Variants in RNF157 observed in about 807,000 individuals in gnomAD.
RNF157 encodes the protein ring finger protein 157.
In RNF157, 55 loss-of-function variants were observed where a neutral mutation model predicts 88.3. That is an observed-to-expected ratio of 0.62 (90% CI 0.50 to 0.78). The LOEUF (loss-of-function observed/expected upper bound fraction) is 0.78, where lower values mean the gene tolerates loss of function less well. Ranked by LOEUF, RNF157 falls within the 30% of genes least tolerant of loss-of-function variation. The pLI, the probability that RNF157 is intolerant of heterozygous loss-of-function variation, is 0.00. For synonymous variants in RNF157, 334 were observed against 341.2 expected, an observed-to-expected ratio of 0.98 and a Z score of 0.23; for missense variants, 788 against 860.8, an observed-to-expected ratio of 0.92 and a Z score of 1.06.
intron 2 of RNF157, among the ~76,000 whole-genome samples, chr17:76,179,606 T>C (rs1054820168): frequency 6.6e-6 from 1 of 151,988 alleles, no homozygotes; most frequent in Admixed American, 6.6e-5. Flanking sequence ...GGCAGAAGAA[T>C]TGTTTGAACC....
At chr17:76,156,119 C>G in intron 14 of RNF157, 91 bp downstream of exon 14, 1 of 984,138 alleles carries the variant, frequency 1.0e-6, no homozygotes, top group Non-Finnish European at 1.6e-6. Flanking sequence ...ATTAGCTTGC[C>G]ACTCCCATGT....
At chr17:76,173,838 A>C (rs1273886970) in intron 2 of RNF157, 48 bp from the exon 3 acceptor site, 2 of 1,482,168 alleles carry the variant, frequency 1.3e-6, no homozygotes, top group Non-Finnish European at 1.9e-6. Flanking sequence ...AAAAAGACCC[A>C]CAGCTGTCCC....
At chr17:76,175,848 A>G (rs1327857094) in intron 2 of RNF157, 4 of 927,316 alleles carry the variant, frequency 4.3e-6, no homozygotes, top group Non-Finnish European at 5.1e-6. Flanking sequence ...AAAGAAAGAA[A>G]AAAAAATCCT....
intron 17 of RNF157, 90 bp downstream of exon 17, chr17:76,154,193 C>G: frequency 1.1e-6 from 1 of 936,132 alleles, no homozygotes; most frequent in Non-Finnish European, 1.8e-6. Flanking sequence ...AGCGCCACCA[C>G]GTCATACCGG....
intron 17 of RNF157, 188 bp from the exon 18 acceptor site, chr17:76,152,653 G>C: frequency 1.8e-6 from 1 of 541,670 alleles, no homozygotes; most frequent in East Asian, 3.3e-5. Flanking sequence ...CTGTGTTCTC[G>C]CGCTTTCCTG....
Position 76,146,639 on chromosome 17 carries a change from G to C in RNF157, c.1922-1286C>G. 3.0e-6 allele frequency: 3 copies of C among 985,460 alleles called. No individual in the cohort carries two copies. The highest frequency in any genetic ancestry group is 3.6e-6 in the Non-Finnish European group (3 of 829,940). The allele number at this position is 985,460 out of a possible 1,614,324, so 61.0% of individuals were successfully genotyped here. ...CGGGGGAGGCCCAGTGTGCTCCTAA[G>C]TGCTCCCTGCAGCCTGAACTACTGC... On this transcript the variant is annotated intron_variant, in intron 18 of 18. Transcript: ENST00000269391. This position sits in a 1 kb window ranked among gnomAD's most constrained non-coding sequence, Gnocchi z 4.2.
rs1345167472 is a variant in RNF157, at chr17:76,142,524, A to T, written c.*2711T>A. 1 of 152,270 alleles carries T rather than the reference A, an allele frequency of 6.6e-6. No individual in the cohort carries two copies. Among genetic ancestry groups the T allele is most frequent in the Non-Finnish European group, 1.5e-5 (1 of 68,056 alleles). The allele number at this position is 152,270 out of a possible 1,614,324, so 9.4% of individuals were successfully genotyped here. ...TTTTAAGAATCATGCAGCAATCCAT[A>T]AATATTGCATTCTTGATGTCCCCAC... On this transcript the variant is annotated 3_prime_UTR_variant, in exon 19 of 19. Transcript: ENST00000269391.
intron 1 of RNF157, chr17:76,225,805 C>G: frequency 1.3e-6 from 2 of 1,575,902 alleles, no homozygotes; most frequent in African/African-American, 2.7e-5. Flanking sequence ...TCAAATCTTT[C>G]AGGTACTGGA....
rs1598379249 is a variant in RNF157 at position 76,146,540 on chromosome 17, A to T, written c.1922-1187T>A. 3 of 985,384 alleles carry T rather than the reference A, an allele frequency of 3.0e-6. 1 individual carries two copies. The Admixed American group carries it at 1.8e-4, about 61-fold the overall frequency. The allele number at this position is 985,384 out of a possible 1,614,324, so 61.0% of individuals were successfully genotyped here. On this transcript the variant is annotated intron_variant, in intron 18 of 18. Coordinates refer to ENST00000269391, the MANE Select transcript of RNF157 (RefSeq NM_052916.3). The surrounding 1 kb of genome is among the most constrained non-coding windows in gnomAD (Gnocchi z 4.2). The stretch of plus-strand genomic sequence containing the variant: ...CCTGGCTCCCTGGGGTAGGGAAGGC[A>T]TGTCGTCCTCCGGACCCTGTGGGCC...
intron 2 of RNF157, among the ~76,000 whole-genome samples, chr17:76,188,200 C>CT (rs1456930819): frequency 2.0e-5 from 3 of 152,214 alleles, no homozygotes; most frequent in Non-Finnish European, 4.4e-5. Context: ...CACCCATACT[C>CT]TATCATGCTC....
intron 1 of RNF157, among the ~76,000 whole-genome samples, chr17:76,221,187 G>A (rs2069976818): frequency 6.6e-6 from 1 of 152,010 alleles, no homozygotes; most frequent in Non-Finnish European, 1.5e-5. Context: ...AAACAAAGAA[G>A]GAATGATAGG....
chr17:76,154,430 G>A (rs778346025), intron 16 of RNF157, 102 bp from the exon 17 acceptor site: 42 of 799,686 alleles, frequency 5.3e-5, no homozygotes, highest in Non-Finnish European at 8.5e-5. Context: ...TAACTCCAGG[G>A]CCTACGTTAA....
At chr17:76,188,003 C>T (rs1298809549) in intron 2 of RNF157, among the ~76,000 whole-genome samples, 8 of 152,176 alleles carry the variant, frequency 5.3e-5, no homozygotes, top group African/African-American at 1.9e-4. Flanking sequence ...TTCCGTTTTG[C>T]ATTGCTAAGC....
chr17:76,179,870 T>C (rs1426461995), intron 2 of RNF157, among the ~76,000 whole-genome samples: 1 of 152,188 alleles, frequency 6.6e-6, no homozygotes, highest in Non-Finnish European at 1.5e-5. Flanking sequence ...CCACTGTACT[T>C]AGCATTAGCA....
intron 2 of RNF157, among the ~76,000 whole-genome samples, chr17:76,193,555 C>T (rs112912026): frequency 1.3e-5 from 2 of 151,892 alleles, no homozygotes; most frequent in East Asian, 1.9e-4. Context: ...CCCCCACCCA[C>T]GGACACATAC....
At chr17:76,186,682 G>A (rs1217891095) in intron 2 of RNF157, among the ~76,000 whole-genome samples, 1 of 152,034 alleles carries the variant, frequency 6.6e-6, no homozygotes, top group Non-Finnish European at 1.5e-5. Context: ...GCTCACGCCT[G>A]TAATCCCAGC....
At chr17:76,202,299 A>G (rs902609862) in intron 2 of RNF157, among the ~76,000 whole-genome samples, 13 of 152,304 alleles carry the variant, frequency 8.5e-5, no homozygotes, top group African/African-American at 2.9e-4. Context: ...ATCTCCAAAC[A>G]TAACACGTGC....
In RNF157 at chr17:76,155,592, A is replaced by G; in HGVS notation, c.1668T>C (p.Pro556=). 1 of 1,612,746 alleles carries G rather than the reference A, an allele frequency of 6.2e-7. No homozygotes were observed. ...CTTCTTCTGAGGGGGCCCTGCTGGC[A>G]GGCTGGGGGGAAGAGAGAGCCTCTC... The part of the protein sequence containing the change: ...EEGEALSSPQ[P]ASRAPSEEGE... The change falls in exon 15 of 19, where the codon CCT becomes CCC. Residue 556 remains proline (P), a synonymous_variant. Coordinates refer to ENST00000269391, the MANE Select transcript of RNF157 (RefSeq NM_052916.3).
At chr17:76,155,844 G>A in intron 14 of RNF157, 110 bp from the exon 15 acceptor site, 1 of 942,154 alleles carries the variant, frequency 1.1e-6, no homozygotes, top group Non-Finnish European at 1.5e-6. Flanking sequence ...GAGTGAAGTG[G>A]CCGTATCTTG....
Sources: gnomAD v4.1 joint callset for allele counts (sites outside exome capture counted in the v4.1 genomes callset) on GRCh38, gnomAD v4.1.1 for gene constraint, Gnocchi (gnomAD v3.1) non-coding constraint, MANE v1.5 for transcripts, NCBI Gene and HGNC (gene_info 2026-07-23, HGNC 2026-07-21) for gene names.